Variants in TBC1D2B observed in about 807,000 individuals in gnomAD.
The protein encoded by TBC1D2B is TBC1 domain family, member 2B.
Under a neutral mutation model 100.8 loss-of-function variants are expected in TBC1D2B, and 64 were observed. That is an observed-to-expected ratio of 0.64 (90% CI 0.52 to 0.78). TBC1D2B has a LOEUF of 0.78. Among genes scored for constraint, TBC1D2B ranks in the 30% least tolerant of loss-of-function variants. The probability of loss-of-function intolerance (pLI) is 0.00; values close to 1 mark genes in which losing one functional copy is unlikely to be tolerated. For missense variants in TBC1D2B, 1,052 were observed against 1,218.4 expected (o/e 0.86, Z 2.03); for synonymous variants, 480 against 479.7 (o/e 1.00, Z -0.01).
intron 1 of TBC1D2B, among the ~76,000 whole-genome samples, chr15:78,075,222 T>C (rs1057270671): frequency 6.6e-6 from 1 of 151,954 alleles, no homozygotes; most frequent in African/African-American, 2.4e-5. Context: ...TTTTTTGAGA[T>C]GGAGTCTCAC....
rs182440259 is a variant in TBC1D2B at position 78,069,293 on chromosome 15, G to C, written c.360+8000C>G. ...GGCCATTAGGAATGCTTCAGGAAAG[G>C]AAGTCCACCAGGGCGGGCCGGCCCT... On this transcript the variant is annotated intron_variant, in intron 1 of 12. Transcript: ENST00000300584. 1.1e-4 allele frequency among the ~76,000 whole-genome samples: 16 copies of C among 152,294 alleles called. No homozygotes were observed. In the East Asian group the frequency reaches 2.7e-3, roughly 26 times the overall value.
rs750952817 is a variant in TBC1D2B at position 78,003,401 on chromosome 15, G to C, written c.2478C>G (p.Leu826=). Reference sequence around the variant, plus strand: ...CCACCAGAAACCAGTTGAAAGTGATGAGAGTGTAGTCGACTTTGTACTGTT... The same window carrying C: ...CCACCAGAAACCAGTTGAAAGTGATCAGAGTGTAGTCGACTTTGTACTGTT... ...HFEQYKVDYT[L]ITFNWFLVVF... Residue 826 remains leucine, a synonymous_variant, in exon 11 of 13, where the codon CTC becomes CTG. Coordinates refer to ENST00000300584, the MANE Select transcript of TBC1D2B (RefSeq NM_144572.2). 4.3e-5 allele frequency: 69 copies of C among 1,613,794 alleles called. No individual in the cohort carries two copies. Among genetic ancestry groups the C allele is most frequent in the Non-Finnish European group, 5.6e-5 (66 of 1,179,842 alleles).
At chr15:78,037,978 AG>A (rs2072987726) in intron 3 of TBC1D2B, among the ~76,000 whole-genome samples, 2 of 152,190 alleles carry the variant, frequency 1.3e-5, no homozygotes, top group Admixed American at 6.5e-5. Flanking sequence ...AAGTGCTGAG[AG>A]GAACTGTCGT....
chr15:78,000,889 C>T (rs946384878), intron 12 of TBC1D2B, among the ~76,000 whole-genome samples: 92 of 152,338 alleles, frequency 6.0e-4, no homozygotes, highest in African/African-American at 2.2e-3. Flanking sequence ...GGACCACCTA[C>T]CTCCAGGCCA....
rs2072274743 is a variant in TBC1D2B, at chr15:78,013,051, C to T, written c.2042G>A (p.Arg681Lys). The part of the protein sequence containing the change: ...VWKWCVDRHT[R>K]KFKDNTEPGH... ...AGGCTCAGTGTTGTCCTTGAACTTC[C>T]TGGTGTGACGGTCCACACACCACTT... The change falls in exon 9 of 13, where the codon AGG becomes AAG. Residue 681 changes from arginine to lysine, a missense_variant. Physicochemically the swap from Arg to Lys is conservative, Grantham distance 26. Transcript: ENST00000300584. 42 of 1,613,992 alleles carry T rather than the reference C, an allele frequency of 2.6e-5. No individual in the cohort carries two copies. The highest frequency in any genetic ancestry group is 3.6e-5 in the Non-Finnish European group (42 of 1,179,874).
intron 1 of TBC1D2B, among the ~76,000 whole-genome samples, chr15:78,073,124 T>C (rs1355177069): frequency 2.0e-5 from 3 of 152,214 alleles, no homozygotes; most frequent in Non-Finnish European, 2.9e-5. Flanking sequence ...CTGGAGCCTC[T>C]ACTTTCAGAG....
rs550713958 is a variant in TBC1D2B, at chr15:78,034,170, T to TC, written c.684-4001dup. Among the ~76,000 whole-genome samples, 83 of 152,318 alleles carry TC rather than the reference T, an allele frequency of 5.4e-4. 2 individuals carry two copies. In the South Asian group the frequency reaches 9.1e-3, roughly 17 times the overall value. ...ACTGCATAGAAGGATTCTAGTCAATTCCCCATGGTAACCCAATGAGCAAGA... is the reference window on the plus strand; with the variant it reads ...ACTGCATAGAAGGATTCTAGTCAATTCCCCCATGGTAACCCAATGAGCAAGA... On this transcript the variant is annotated intron_variant, in intron 3 of 12. Coordinates refer to ENST00000300584, the MANE Select transcript of TBC1D2B (RefSeq NM_144572.2).
chr15:78,029,911 C>T, intron 4 of TBC1D2B, 96 bp downstream of exon 4: 1 of 1,044,550 alleles, frequency 9.6e-7, no homozygotes, highest in Non-Finnish European at 1.3e-6. Context: ...GGTCCTTATG[C>T]TTCTCGAAAT....
At chr15:78,008,357 A>G (rs542088240) in intron 10 of TBC1D2B, among the ~76,000 whole-genome samples, 1 of 152,348 alleles carries the variant, frequency 6.6e-6, no homozygotes, top group Admixed American at 6.5e-5. Flanking sequence ...CCTCTGGTGC[A>G]TCACCACGTT....
intron 10 of TBC1D2B, among the ~76,000 whole-genome samples, chr15:78,007,668 C>T (rs2072103571): frequency 6.6e-6 from 1 of 152,228 alleles, no homozygotes. Context: ...CATCCAGGGG[C>T]TGGCCACACT....
intron 7 of TBC1D2B, chr15:78,017,269 T>C (rs1451897110): frequency 6.5e-6 from 1 of 153,782 alleles, no homozygotes; most frequent in East Asian, 1.9e-4. Flanking sequence ...CAAGTATCAT[T>C]TGATTACAGC....
chr15:78,049,724 T>A (rs111600409), intron 2 of TBC1D2B, among the ~76,000 whole-genome samples: 9 of 152,206 alleles, frequency 5.9e-5, no homozygotes, highest in Admixed American at 1.3e-4. Context: ...CTGTTCCACA[T>A]AGACTCCTTT....
At chr15:78,076,322 G>T (rs937533137) in intron 1 of TBC1D2B, among the ~76,000 whole-genome samples, 6 of 152,196 alleles carry the variant, frequency 3.9e-5, no homozygotes, top group Non-Finnish European at 8.8e-5. Flanking sequence ...CACCCATCCT[G>T]GACAAAGCAA....
rs1345585074 is a variant in TBC1D2B at position 77,997,365 on chromosome 15, A to G, written c.*795T>C. On this transcript the variant is annotated 3_prime_UTR_variant, in exon 13 of 13. Coordinates refer to ENST00000300584, the MANE Select transcript of TBC1D2B (RefSeq NM_144572.2). ...ATCGTACTTGGTGAATGATTTCCACAAGTCAAGAAGGGCATTCCACAGAAT... is the reference window on the plus strand; with the variant it reads ...ATCGTACTTGGTGAATGATTTCCACGAGTCAAGAAGGGCATTCCACAGAAT... 8.5e-5 allele frequency: 13 copies of G among 152,264 alleles called. No individual in the cohort carries two copies. Among genetic ancestry groups the G allele is most frequent in the South Asian group, 2.1e-4 (1 of 4,830 alleles). The allele number at this position is 152,264 out of a possible 1,614,324, so 9.4% of individuals were successfully genotyped here. A position where few individuals can be genotyped will look rare whatever the true frequency, so the allele number is the denominator to read the frequency against.
intron 1 of TBC1D2B, among the ~76,000 whole-genome samples, chr15:78,064,961 T>G (rs961691391): frequency 6.6e-6 from 1 of 152,180 alleles, no homozygotes; most frequent in African/African-American, 2.4e-5. Flanking sequence ...CATTCATATG[T>G]CTTACAAAAT....
At chr15:78,000,445 C>A (rs2071882533) in intron 12 of TBC1D2B, among the ~76,000 whole-genome samples, 1 of 152,228 alleles carries the variant, frequency 6.6e-6, no homozygotes, top group Non-Finnish European at 1.5e-5. Context: ...CAATCCTGAC[C>A]CAACACGAGA....
chr15:78,003,207 T>G, intron 11 of TBC1D2B, 98 bp downstream of exon 11: 1 of 1,095,020 alleles, frequency 9.1e-7, no homozygotes, highest in Non-Finnish European at 1.4e-6. Flanking sequence ...ATGGTAACCC[T>G]CATAAGTTCC....
rs2072625037 is a variant in TBC1D2B at position 78,025,112 on chromosome 15, T to C, written c.1086+147A>G. The C allele has an allele frequency of 1.2e-5, 8 of 657,842 alleles. 1 individual carries two copies. The highest frequency in any genetic ancestry group is 1.1e-4 in the East Asian group (4 of 36,642). 40.8% of individuals were successfully genotyped at this position (657,842 alleles called of 1,614,324 possible). On this transcript the variant is annotated intron_variant, in intron 5 of 12. Transcript: ENST00000300584. Reference sequence around the variant, plus strand: ...AGCAGCTGTGCCTAGATGACCGCCATGGCAATATGAAACCTCCAGGGGAAA... The same window carrying C: ...AGCAGCTGTGCCTAGATGACCGCCACGGCAATATGAAACCTCCAGGGGAAA...
intron 10 of TBC1D2B, among the ~76,000 whole-genome samples, chr15:78,004,124 A>C (rs1029847938): frequency 6.6e-6 from 1 of 152,238 alleles, no homozygotes; most frequent in African/African-American, 2.4e-5. Flanking sequence ...TGTGAGGATT[A>C]AATGAGGCTT....
Sources: allele counts gnomAD v4.1 joint callset (sites outside exome capture counted in the v4.1 genomes callset), GRCh38; gene constraint gnomAD v4.1.1; transcripts MANE v1.5; gene names NCBI Gene and HGNC (gene_info 2026-07-23, HGNC 2026-07-21).